Variants in POPDC2 observed in about 807,000 individuals in gnomAD.
The protein encoded by POPDC2 is popeye domain-containing protein 2.
In POPDC2, 24 loss-of-function variants were observed where a neutral mutation model predicts 30.5. That is an observed-to-expected ratio of 0.79 (90% CI 0.57 to 1.11). The LOEUF is 1.11. Ranked by LOEUF, POPDC2 falls within the 50% of genes least tolerant of loss-of-function variation. The pLI is 0.00. For missense variants in POPDC2, 409 were observed against 447.0 expected (o/e 0.91, Z 0.77); for synonymous variants, 185 against 183.3 (o/e 1.01, Z -0.07).
intron 3 of POPDC2, among the ~76,000 whole-genome samples, chr3:119,646,700 A>G (rs2052749652): frequency 6.6e-6 from 1 of 152,270 alleles, no homozygotes; most frequent in African/African-American, 2.4e-5. Context: ...CTGAGAAGAA[A>G]TTGGAGAAGA....
intron 3 of POPDC2, among the ~76,000 whole-genome samples, chr3:119,646,140 A>G (rs1242357299): frequency 6.6e-6 from 1 of 152,176 alleles, no homozygotes; most frequent in Non-Finnish European, 1.5e-5. Context: ...TCTTTGGAAG[A>G]GTTAGGATTA....
At chr3:119,656,075 A>G (rs976065194) in intron 1 of POPDC2, among the ~76,000 whole-genome samples, 1 of 152,218 alleles carries the variant, frequency 6.6e-6, no homozygotes, top group African/African-American at 2.4e-5. Flanking sequence ...ATTATTAACA[A>G]AACTAACACA....
chr3:119,658,375 G>GC (rs2052901940), intron 1 of POPDC2, among the ~76,000 whole-genome samples: 3 of 152,156 alleles, frequency 2.0e-5, no homozygotes, highest in Admixed American at 6.5e-5. Flanking sequence ...CCAAGGGCAA[G>GC]CCCCCCTCTC....
At chr3:119,652,305 T>C (rs958760529) in intron 2 of POPDC2, among the ~76,000 whole-genome samples, 2 of 152,208 alleles carry the variant, frequency 1.3e-5, no homozygotes, top group Non-Finnish European at 2.9e-5. Context: ...TTAGGTACAA[T>C]GTGAATTATA....
chr3:119,660,186 AAAG>A lies in POPDC2; in HGVS notation c.235_237del (p.Leu79del). On this transcript the variant is annotated inframe_deletion, in exon 1 of 4. Transcript: ENST00000493094. Reference sequence around the variant, plus strand: ...CAGACCACAGCCAGCAGGAAGCTCCAAAGAACAATGTCCAGGCCACAGGCACTG... The same window carrying A: ...CAGACCACAGCCAGCAGGAAGCTCCAAACAATGTCCAGGCCACAGGCACTG... 6.2e-7 allele frequency: 1 copy of A among 1,614,208 alleles called. No homozygotes were observed. Among genetic ancestry groups the A allele is most frequent in the Non-Finnish European group, 8.5e-7 (1 of 1,180,032 alleles).
chr3:119,653,509 A>C (rs1340435780), intron 2 of POPDC2, among the ~76,000 whole-genome samples: 1 of 146,390 alleles, frequency 6.8e-6, no homozygotes, highest in Non-Finnish European at 1.5e-5. Context: ...ACGGAGTCTC[A>C]CTCTGTCGCC....
At chr3:119,658,195 T>C (rs1467757947) in intron 1 of POPDC2, among the ~76,000 whole-genome samples, 1 of 152,084 alleles carries the variant, frequency 6.6e-6, no homozygotes. Flanking sequence ...AGCCCAGTCA[T>C]AGACTAGAAG....
chr3:119,648,201 C>A lies in POPDC2; in HGVS notation c.1068G>T (p.Ser356=). 1 of 1,568,554 alleles carries A rather than the reference C, an allele frequency of 6.4e-7. No homozygotes were observed. The highest frequency in any genetic ancestry group is 8.6e-7 in the Non-Finnish European group (1 of 1,156,178). The part of the protein sequence containing the change: ...EDFEEVSGSE[S]FMDYRSDGEY... ...CCCCATCACTCCTATAATCCATAAA[C>A]GATTCTGATCCTGACACCTCCTCAA... Residue 356 remains serine (S), a synonymous_variant, in exon 3 of 4, where the codon TCG becomes TCT. Coordinates refer to ENST00000493094, the MANE Select transcript of POPDC2 (RefSeq NM_001369919.2).
At chr3:119,645,154 T>C (rs1053632748) in intron 3 of POPDC2, among the ~76,000 whole-genome samples, 1 of 152,232 alleles carries the variant, frequency 6.6e-6, no homozygotes, top group African/African-American at 2.4e-5. Flanking sequence ...CATCAGCAGT[T>C]TTCTCATCTT....
intron 1 of POPDC2, among the ~76,000 whole-genome samples, chr3:119,658,789 G>T (rs2052906990): frequency 6.6e-6 from 1 of 151,982 alleles, no homozygotes; most frequent in East Asian, 1.9e-4. Context: ...ATATATACAT[G>T]ATACTTCAGG....
intron 2 of POPDC2, 107 bp downstream of exon 2, chr3:119,654,397 TG>T: frequency 1.3e-6 from 1 of 761,868 alleles, no homozygotes; most frequent in Non-Finnish European, 2.3e-6. Context: ...AGCTTCACAC[TG>T]GCAGGGGTGC....
intron 2 of POPDC2, among the ~76,000 whole-genome samples, chr3:119,648,941 C>T (rs2052779575): frequency 6.6e-6 from 1 of 152,222 alleles, no homozygotes. Flanking sequence ...CATCCACTTT[C>T]CTCAACTGTA....
chr3:119,644,369 T>G (rs574072489), intron 3 of POPDC2, among the ~76,000 whole-genome samples: 1 of 152,218 alleles, frequency 6.6e-6, no homozygotes, highest in Non-Finnish European at 1.5e-5. Flanking sequence ...GAGCATCTCC[T>G]GTAATAAGAC....
chr3:119,654,510 A>T lies in POPDC2; in HGVS notation c.595T>A (p.Phe199Ile). ...GCCACCAGGCTCCCTGTTACCTGGAACACCCCCTCCTCAGAAGGCTGTAGT... is the reference window on the plus strand; with the variant it reads ...GCCACCAGGCTCCCTGTTACCTGGATCACCCCCTCCTCAGAAGGCTGTAGT... ...ESLQPSEEGV[F>I]QVTLTAETSC... The change falls in exon 2 of 4, where the codon TTC (phenylalanine) becomes ATC (isoleucine). Residue 199 changes from phenylalanine to isoleucine, a missense_variant. Transcript: ENST00000493094. 6.2e-7 allele frequency: 1 copy of T among 1,609,900 alleles called. No individual in the cohort carries two copies. The highest frequency in any genetic ancestry group is 8.5e-7 in the Non-Finnish European group (1 of 1,176,682).
intron 2 of POPDC2, 80 bp downstream of exon 2, chr3:119,654,424 GA>G: frequency 1.1e-6 from 1 of 948,960 alleles, no homozygotes; most frequent in Non-Finnish European, 1.7e-6. Context: ...ACAGATGTAA[GA>G]GGGGAAACAT....
chr3:119,660,095 A>G lies in POPDC2; in HGVS notation c.329T>C (p.Leu110Pro). ...GGGCAGGCACAGCGTCTTGTAGAGG[A>G]GGTCAAACTCCTCAGGGAGGGTGTC... ...REDTLPEEFD[L>P]LYKTLCLPLQ... The change falls in exon 1 of 4, where the codon CTC becomes CCC. Residue 110 changes from leucine (L) to proline (P), a missense_variant. Coordinates refer to ENST00000493094, the MANE Select transcript of POPDC2 (RefSeq NM_001369919.2). The G allele has an allele frequency of 6.2e-7, 1 of 1,614,194 alleles. No individual in the cohort carries two copies. Among genetic ancestry groups the G allele is most frequent in the Non-Finnish European group, 8.5e-7 (1 of 1,180,028 alleles).
chr3:119,642,834 A>C (rs2052706116), intron 3 of POPDC2, among the ~76,000 whole-genome samples: 1 of 152,108 alleles, frequency 6.6e-6, no homozygotes, highest in African/African-American at 2.4e-5. Context: ...GTTCTATAGA[A>C]CTCTACTTCT....
In POPDC2 at chr3:119,659,946, G is replaced by T; in HGVS notation, c.478C>A (p.Leu160Met). ...AGAGTAGCTTACCGGCCAGAGAGCA[G>T]CAGGGACAGGCGGTTGATGGGTGTC... ...GETPINRLSL[L>M]LSGRVRVSQD... Residue 160 changes from leucine to methionine, a missense_variant, in exon 1 of 4, where the codon CTG (leucine) becomes ATG (methionine). Leu to Met is a conservative substitution (Grantham distance 15, BLOSUM62 2). Coordinates refer to ENST00000493094, the MANE Select transcript of POPDC2 (RefSeq NM_001369919.2). The T allele has an allele frequency of 6.3e-7, 1 of 1,592,150 alleles. No individual in the cohort carries two copies.
intron 3 of POPDC2, among the ~76,000 whole-genome samples, chr3:119,645,486 C>G (rs1287837923): frequency 6.7e-6 from 1 of 149,674 alleles, no homozygotes; most frequent in African/African-American, 2.5e-5. Flanking sequence ...GGCGGTGAAC[C>G]CGGGAGGCGG....
Sources: allele counts gnomAD v4.1 joint callset (sites outside exome capture counted in the v4.1 genomes callset), GRCh38; gene constraint gnomAD v4.1.1; transcripts MANE v1.5; gene names NCBI Gene and HGNC (gene_info 2026-07-23, HGNC 2026-07-21).